Variants in SGSM3 observed in about 807,000 individuals in gnomAD.
SGSM3 encodes the protein small G protein signaling modulator 3, also known as RUN and SH3 containing 3.
A neutral mutation model predicts 100.5 loss-of-function variants in SGSM3; 96 were observed. The ratio of observed to expected loss-of-function variants is 0.96; its 90% CI spans 0.81 to 1.13. The LOEUF (loss-of-function observed/expected upper bound fraction) is 1.13. Ranked by LOEUF, SGSM3 falls within the 50% of genes most tolerant of loss-of-function variation. The pLI is 0.00. For synonymous variants in SGSM3, 483 were observed against 422.8 expected, an observed-to-expected ratio of 1.14 and a Z score of -1.75; for missense variants, 1,001 against 1,015.8, an observed-to-expected ratio of 0.99 and a Z score of 0.20.
Position 40,405,859 on chromosome 22 carries a change from A to G in SGSM3, c.814+15A>G. 1.2e-6 allele frequency: 2 copies of G among 1,600,228 alleles called. No homozygotes were observed. The highest frequency in any genetic ancestry group is 1.7e-6 in the Non-Finnish European group (2 of 1,171,072). On this transcript the variant is annotated intron_variant, in intron 8 of 21. Coordinates refer to ENST00000248929, the MANE Select transcript of SGSM3 (RefSeq NM_015705.6). ...GCATGACATTGGTAAGGCGCCCCTG[A>G]GCCACTGGCTCCCATTCTGCAGCTT...
In SGSM3 at chr22:40,409,017, A is replaced by G; in HGVS notation, c.1987A>G (p.Asn663Asp). The G allele has an allele frequency of 1.3e-6, 2 of 1,562,558 alleles. No homozygotes were observed. The highest frequency in any genetic ancestry group is 1.7e-6 in the Non-Finnish European group (2 of 1,153,232). The change falls in exon 19 of 22, where the codon AAT becomes GAT. Residue 663 changes from asparagine to aspartate, a missense_variant and splice_region_variant. Physicochemically the swap from Asn to Asp is conservative, Grantham distance 23. Coordinates refer to ENST00000248929, the MANE Select transcript of SGSM3 (RefSeq NM_015705.6). ...KLRSLICVGL[N>D]EQVLHLWLEV... ...CCGCTCACTGATCTGCGTGGGGCTC[A>G]AGTGAGTGTGGAAAAGGGGTTGGAG... is the stretch of plus-strand genomic sequence containing the variant.
chr22:40,372,696 CTT>C (rs1168505991), intron 1 of SGSM3: 5 of 152,208 alleles, frequency 3.3e-5, no homozygotes, highest in Non-Finnish European at 1.5e-5. Context: ...ATAATCATCT[CTT>C]TTATTTTACA....
chr22:40,385,303 A>C (rs188878326), intron 1 of SGSM3, among the ~76,000 whole-genome samples: 20 of 152,342 alleles, frequency 1.3e-4, no homozygotes. Context: ...GCAGTGAGGC[A>C]GAGGGATAAG....
intron 1 of SGSM3, among the ~76,000 whole-genome samples, chr22:40,381,025 A>G (rs1362582765): frequency 6.6e-6 from 1 of 152,194 alleles, no homozygotes; most frequent in Non-Finnish European, 1.5e-5. Context: ...AATATAAGCA[A>G]TGTTTTAGCA....
In SGSM3 at chr22:40,407,314, A is replaced by G. The variant is rs748919472; in HGVS notation, c.1354A>G (p.Lys452Glu). 1.1e-5 allele frequency: 18 copies of G among 1,613,456 alleles called. No individual in the cohort carries two copies. Among genetic ancestry groups the G allele is most frequent in the Non-Finnish European group, 1.5e-5 (18 of 1,179,972 alleles). The stretch of plus-strand genomic sequence containing the variant: ...ACGCCACTTCCAGTGCACAGACCCC[A>G]AAAACTGCAGCGTGGTGAGTCGCCA... ...VARHFQCTDP[K>E]NCSVELTPDY... The change falls in exon 12 of 22, where the codon AAA (lysine) becomes GAA (glutamate). Residue 452 changes from lysine (K) to glutamate (E), a missense_variant. By Grantham distance (56) the Lys-to-Glu change is moderately conservative (BLOSUM62 1). Coordinates refer to ENST00000248929, the MANE Select transcript of SGSM3 (RefSeq NM_015705.6). This position sits in a 1 kb window ranked among gnomAD's most constrained non-coding sequence, Gnocchi z 4.7.
intron 1 of SGSM3, among the ~76,000 whole-genome samples, chr22:40,380,579 C>T (rs953473480): frequency 6.6e-6 from 1 of 152,088 alleles, no homozygotes; most frequent in Non-Finnish European, 1.5e-5. Context: ...GTTGGCCAGG[C>T]TGGTCTCGAA....
intron 6 of SGSM3, 34 bp downstream of exon 6, chr22:40,404,698 A>C (rs775456866): frequency 3.3e-6 from 5 of 1,498,378 alleles, no homozygotes; most frequent in Non-Finnish European, 4.6e-6. Flanking sequence ...GAAGAGCTGG[A>C]GGCTGTGTGG....
At chr22:40,401,855 C>T (rs188432273) in intron 3 of SGSM3, among the ~76,000 whole-genome samples, 180 bp downstream of exon 3, 1 of 152,192 alleles carries the variant, frequency 6.6e-6, no homozygotes, top group Non-Finnish European at 1.5e-5. Context: ...GCACTATGCT[C>T]TCAGTATTAT....
At chr22:40,396,633 T>C (rs1369611058) in intron 1 of SGSM3, among the ~76,000 whole-genome samples, 1 of 151,770 alleles carries the variant, frequency 6.6e-6, no homozygotes, top group Non-Finnish European at 1.5e-5. Context: ...TTTTTGCTTA[T>C]GTTGCTTACA....
At chr22:40,408,242 A>T in intron 15 of SGSM3, 35 bp from the exon 16 acceptor site, 1 of 1,610,234 alleles carries the variant, frequency 6.2e-7, no homozygotes, top group South Asian at 1.1e-5. Context: ...TGCAGGCGTC[A>T]GGCAGGGCTT....
rs2051332101 is a variant in SGSM3 at position 40,405,375 on chromosome 22, C to T, written c.618+91C>T. ...GGCCTCCCGCTACGGGGCAGTAGCC[C>T]CAGGGCCTCCTCCAGGACCCCTAAC... On this transcript the variant is annotated intron_variant, in intron 7 of 21. Coordinates refer to ENST00000248929, the MANE Select transcript of SGSM3 (RefSeq NM_015705.6). 5 of 1,256,706 alleles carry T rather than the reference C, an allele frequency of 4.0e-6. No individual in the cohort carries two copies. The African/African-American group carries it at 6.1e-5, about 15-fold the overall frequency. The allele number at this position is 1,256,706 out of a possible 1,614,324, so 77.8% of individuals were successfully genotyped here. A position where few individuals can be genotyped will look rare whatever the true frequency, so the allele number is the denominator to read the frequency against.
chr22:40,377,556 C>T (rs1327573228), intron 1 of SGSM3, among the ~76,000 whole-genome samples: 1 of 152,150 alleles, frequency 6.6e-6, no homozygotes, highest in East Asian at 1.9e-4. Context: ...TTAAAATAGG[C>T]CTGGTGTCGT....
chr22:40,388,687 T>G (rs2146868754), intron 1 of SGSM3, among the ~76,000 whole-genome samples: 1 of 152,198 alleles, frequency 6.6e-6, no homozygotes, highest in South Asian at 2.1e-4. Context: ...TTGAGAGATG[T>G]ATAATAATCA....
At chr22:40,409,228 C>G in intron 19 of SGSM3, 22 bp from the exon 20 acceptor site, 1 of 1,585,542 alleles carries the variant, frequency 6.3e-7, no homozygotes. Flanking sequence ...CCCCTGCTCC[C>G]CACTCCTGGC....
rs779618020 is a variant in SGSM3, at chr22:40,406,625, AGCTCCTGGGGGCCG to A, written c.1151_1164del (p.Leu384HisfsTer29). 3 of 1,608,508 alleles carry A rather than the reference AGCTCCTGGGGGCCG, an allele frequency of 1.9e-6. No individual in the cohort carries two copies. Among genetic ancestry groups the A allele is most frequent in the Non-Finnish European group, 2.6e-6 (3 of 1,176,284 alleles). Reference sequence around the variant, plus strand: ...GCCTATCTCATTGCAGACCAGGGCCAGCTCCTGGGGGCCGGCACCCTCACCAACCTCTCTCAGGT... The same window carrying A: ...GCCTATCTCATTGCAGACCAGGGCCAGCACCCTCACCAACCTCTCTCAGGT... On this transcript the variant is annotated frameshift_variant, in exon 10 of 22. Transcript: ENST00000248929. LOFTEE classifies it high-confidence loss of function.
At position 40,408,785 on chromosome 22, in the gene SGSM3, T is replaced by C. The variant is rs1048295240; in HGVS notation, c.1854-9T>C. 1 of 1,613,744 alleles carries C rather than the reference T, an allele frequency of 6.2e-7. No individual in the cohort carries two copies. Among genetic ancestry groups the C allele is most frequent in the Non-Finnish European group, 8.5e-7 (1 of 1,179,990 alleles). Reference sequence around the variant, plus strand: ...CCCCGGCACCCCAGGAGCTTTGGTGTCCCCTCAGGTTGGATGAAGATGGCA... The same window carrying C: ...CCCCGGCACCCCAGGAGCTTTGGTGCCCCCTCAGGTTGGATGAAGATGGCA... On this transcript the variant is annotated splice_polypyrimidine_tract_variant and intron_variant, in intron 17 of 21. Coordinates refer to ENST00000248929, the MANE Select transcript of SGSM3 (RefSeq NM_015705.6).
intron 1 of SGSM3, among the ~76,000 whole-genome samples, chr22:40,388,779 A>T (rs1224807008): frequency 6.6e-6 from 1 of 152,240 alleles, no homozygotes; most frequent in African/African-American, 2.4e-5. Flanking sequence ...AAACTTTAGG[A>T]AAGGCCGAAT....
At chr22:40,392,524 T>G (rs1360277184) in intron 1 of SGSM3, among the ~76,000 whole-genome samples, 1 of 152,108 alleles carries the variant, frequency 6.6e-6, no homozygotes, top group African/African-American at 2.4e-5. Context: ...TTTAAGGTGG[T>G]GAGTAGTAGC....
At position 40,409,764 on chromosome 22, in the gene SGSM3, C is replaced by G. The variant is rs765608719; in HGVS notation, c.*5C>G. The G allele has an allele frequency of 1.9e-6, 3 of 1,605,352 alleles. No individual in the cohort carries two copies. The East Asian group carries it at 6.7e-5, about 36-fold the overall frequency. On this transcript the variant is annotated 3_prime_UTR_variant, in exon 22 of 22. Transcript: ENST00000248929. ...AGCTGGGATGTGGACGGGTGACCCC[C>G]TCCTCCCCAGCCCAACCTCGGGCCT... is the stretch of plus-strand genomic sequence containing the variant.
Sources: allele counts gnomAD v4.1 joint callset (sites outside exome capture counted in the v4.1 genomes callset), GRCh38; gene constraint gnomAD v4.1.1; non-coding constraint Gnocchi (gnomAD v3.1); transcripts MANE v1.5; gene names NCBI Gene and HGNC (gene_info 2026-07-23, HGNC 2026-07-21).